Variants in TRABD2B observed in about 807,000 individuals in gnomAD.
TRABD2B encodes metalloprotease TIKI2.
Under a neutral mutation model 40.1 loss-of-function variants are expected in TRABD2B, and 14 were observed. That is an observed-to-expected ratio of 0.35 (90% confidence interval 0.23 to 0.55). TRABD2B has a LOEUF of 0.55. Among genes scored for constraint, TRABD2B ranks in the 20% least tolerant of loss-of-function variants. TRABD2B has a pLI of 0.90. For missense variants in TRABD2B, 541 were observed against 648.6 expected (o/e 0.83, Z 1.80); for synonymous variants, 263 against 277.0 (o/e 0.95, Z 0.50).
intron 2 of TRABD2B, among the ~76,000 whole-genome samples, chr1:47,950,971 C>T (rs568798877): frequency 6.6e-6 from 1 of 152,322 alleles, no homozygotes; most frequent in South Asian, 2.1e-4. Context: ...GTTTCATTTC[C>T]GTGGGCACAG....
chr1:47,892,376 G>T (rs1293346879), intron 2 of TRABD2B, among the ~76,000 whole-genome samples: 2 of 152,222 alleles, frequency 1.3e-5, no homozygotes, highest in African/African-American at 2.4e-5. Flanking sequence ...CCATGAGGGG[G>T]AGAATCAACT....
chr1:47,996,889 G>T lies in TRABD2B; in HGVS notation c.-100C>A. ...GCACGGAGTTTCCTCTGGAGCACGG[G>T]GCTCCAGCCGCAGGATGCTGGGCGC... On this transcript the variant is annotated 5_prime_UTR_variant, in exon 1 of 7. Coordinates refer to ENST00000606738, the MANE Select transcript of TRABD2B (RefSeq NM_001194986.2). This position sits in a 1 kb window ranked among gnomAD's most constrained non-coding sequence, Gnocchi z 4.6. 1 of 1,131,710 alleles carries T rather than the reference G, an allele frequency of 8.8e-7. No individual in the cohort carries two copies. Among genetic ancestry groups the T allele is most frequent in the Non-Finnish European group, 1.1e-6 (1 of 924,642 alleles). 70.1% of individuals were successfully genotyped at this position (1,131,710 alleles called of 1,614,324 possible).
chr1:47,969,394 G>T (rs1410396046), intron 2 of TRABD2B, among the ~76,000 whole-genome samples: 1 of 152,174 alleles, frequency 6.6e-6, no homozygotes, highest in Non-Finnish European at 1.5e-5. Flanking sequence ...TCTTCATGCC[G>T]TGCAGAGGGA....
chr1:47,959,793 G>A (rs1223413177), intron 2 of TRABD2B, among the ~76,000 whole-genome samples: 1 of 152,132 alleles, frequency 6.6e-6, no homozygotes, highest in East Asian at 1.9e-4. Context: ...ACAAAGAGGA[G>A]CTGGTACCAT....
intron 2 of TRABD2B, among the ~76,000 whole-genome samples, chr1:47,875,777 A>ATTATACTT (rs913793457): frequency 6.6e-6 from 1 of 151,870 alleles, no homozygotes; most frequent in African/African-American, 2.4e-5. Flanking sequence ...CAGGGAGGTC[A>ATTATACTT]TTATACTTCC....
chr1:47,929,962 T>A (rs971860864), intron 2 of TRABD2B, among the ~76,000 whole-genome samples: 1 of 152,128 alleles, frequency 6.6e-6, no homozygotes, highest in Non-Finnish European at 1.5e-5. Context: ...AAAGAGGTGG[T>A]TACGTGCATA....
chr1:47,850,745 C>T (rs937700067), intron 2 of TRABD2B, among the ~76,000 whole-genome samples: 1 of 152,200 alleles, frequency 6.6e-6, no homozygotes, highest in Non-Finnish European at 1.5e-5. Context: ...TGGGCCCCTG[C>T]CCACTCTCCG....
chr1:47,764,051 G>C lies in TRABD2B; in HGVS notation c.*1851C>G, dbSNP rs1221435145. 1 of 152,270 alleles carries C rather than the reference G, an allele frequency of 6.6e-6. No individual in the cohort carries two copies. Among genetic ancestry groups the C allele is most frequent in the African/African-American group, 2.4e-5 (1 of 41,468 alleles). 9.4% of individuals were successfully genotyped at this position (152,270 alleles called of 1,614,324 possible). ...GGGCTGAGCTGTAAAGAATTCAGCTGCCTGCCAAGATGCCCGTGGGACTCC... is the reference window on the plus strand; with the variant it reads ...GGGCTGAGCTGTAAAGAATTCAGCTCCCTGCCAAGATGCCCGTGGGACTCC... On this transcript the variant is annotated 3_prime_UTR_variant, in exon 7 of 7. Transcript: ENST00000606738.
intron 2 of TRABD2B, among the ~76,000 whole-genome samples, chr1:47,808,492 G>T (rs930112535): frequency 6.6e-6 from 1 of 152,224 alleles, no homozygotes; most frequent in Non-Finnish European, 1.5e-5. Context: ...CTGTACATAT[G>T]TGAGGAGAAG....
chr1:47,803,258 A>G (rs539208771), intron 2 of TRABD2B, among the ~76,000 whole-genome samples: 1 of 152,302 alleles, frequency 6.6e-6, no homozygotes, highest in South Asian at 2.1e-4. Context: ...CCCTGTATTC[A>G]TGCCCTTTTC....
At chr1:47,845,376 C>T (rs927137809) in intron 2 of TRABD2B, among the ~76,000 whole-genome samples, 6 of 152,144 alleles carry the variant, frequency 3.9e-5, no homozygotes, top group African/African-American at 1.4e-4. Flanking sequence ...AATTATTTTG[C>T]TCTTACTAAG....
Position 47,763,557 on chromosome 1 carries a change from C to G in TRABD2B, c.*2345G>C, listed in dbSNP as rs1644266891. 1 of 152,230 alleles carries G rather than the reference C, an allele frequency of 6.6e-6. No homozygotes were observed. The allele number at this position is 152,230 out of a possible 1,614,324, so 9.4% of individuals were successfully genotyped here. A position where few individuals can be genotyped will look rare whatever the true frequency, so the allele number is the denominator to read the frequency against. On this transcript the variant is annotated 3_prime_UTR_variant, in exon 7 of 7. Coordinates refer to ENST00000606738, the MANE Select transcript of TRABD2B (RefSeq NM_001194986.2). ...CCAAGGAGAGTGGTTAGATTCAGCT[C>G]TAATACAGAGCCTGGCATTGCATGT...
chr1:47,876,178 C>T (rs115260169), intron 2 of TRABD2B, among the ~76,000 whole-genome samples: 1,954 of 152,272 alleles, frequency 0.013, 44 homozygotes, highest in African/African-American at 0.044. Context: ...CTTGAACAAG[C>T]GCGTCACCCT....
At chr1:47,773,447 G>GT (rs1268326871) in intron 6 of TRABD2B, among the ~76,000 whole-genome samples, 1 of 152,256 alleles carries the variant, frequency 6.6e-6, no homozygotes, top group Non-Finnish European at 1.5e-5. Context: ...ATCTTGAATC[G>GT]TAACTCCCAT....
At chr1:47,961,410 C>G (rs1048660518) in intron 2 of TRABD2B, among the ~76,000 whole-genome samples, 2 of 152,080 alleles carry the variant, frequency 1.3e-5, no homozygotes, top group East Asian at 1.9e-4. Context: ...GAAACTACCA[C>G]CAGAGTGAAC....
chr1:47,816,578 T>C (rs1200479159), intron 2 of TRABD2B, among the ~76,000 whole-genome samples: 3 of 152,190 alleles, frequency 2.0e-5, no homozygotes, highest in Non-Finnish European at 4.4e-5. Flanking sequence ...CTCTCCCCTT[T>C]GCCTCCTTAA....
chr1:47,949,805 C>T (rs1200758022), intron 2 of TRABD2B, among the ~76,000 whole-genome samples: 1 of 152,026 alleles, frequency 6.6e-6, no homozygotes, highest in East Asian at 1.9e-4. Flanking sequence ...AGAAAAAGTC[C>T]CTGAAAATCA....
intron 4 of TRABD2B, among the ~76,000 whole-genome samples, chr1:47,793,406 G>A (rs923259359): frequency 1.1e-4 from 16 of 152,246 alleles, no homozygotes; most frequent in African/African-American, 3.6e-4. Context: ...GGAGGGGCGA[G>A]GCCCAGCAGA....
At chr1:47,768,363 C>T (rs978366745) in intron 6 of TRABD2B, among the ~76,000 whole-genome samples, 12 of 152,042 alleles carry the variant, frequency 7.9e-5, no homozygotes, top group Admixed American at 3.3e-4. Flanking sequence ...TCCAATGTCC[C>T]TTACACACCC....
Sources: gnomAD v4.1 joint callset for allele counts (sites outside exome capture counted in the v4.1 genomes callset) on GRCh38, gnomAD v4.1.1 for gene constraint, Gnocchi (gnomAD v3.1) non-coding constraint, MANE v1.5 for transcripts, NCBI Gene and HGNC (gene_info 2026-07-23, HGNC 2026-07-21) for gene names.